MMS22L: variants seen among roughly 807,000 people sequenced by gnomAD.
The protein encoded by MMS22L is MMS22 like, DNA repair protein.
MMS22L carries 74 observed loss-of-function variants against 159.1 expected under a neutral mutation model. That is an observed-to-expected ratio of 0.47 (90% CI 0.39 to 0.56). MMS22L has a LOEUF of 0.56. MMS22L is among the 20% of genes least tolerant of loss of function. MMS22L has a pLI of 0.00. For missense variants in MMS22L, 1,351 were observed against 1,422.1 expected, an observed-to-expected ratio of 0.95 and a Z score of 0.80; for synonymous variants, 517 against 506.9, an observed-to-expected ratio of 1.02 and a Z score of -0.27.
At chr6:97,176,195 C>T (rs1012708881) in intron 18 of MMS22L, among the ~76,000 whole-genome samples, 3 of 151,890 alleles carry the variant, frequency 2.0e-5, no homozygotes, top group Non-Finnish European at 2.9e-5. Flanking sequence ...AATCTTGGGC[C>T]GCAGTGTTGA....
chr6:97,255,027 T>C (rs961847458), intron 9 of MMS22L, among the ~76,000 whole-genome samples: 1 of 152,078 alleles, frequency 6.6e-6, no homozygotes, highest in Non-Finnish European at 1.5e-5. Context: ...GCCTATATTA[T>C]ATATTGTGTG....
intron 11 of MMS22L, among the ~76,000 whole-genome samples, chr6:97,235,012 T>C (rs1811245376): frequency 6.6e-6 from 1 of 152,158 alleles, no homozygotes; most frequent in South Asian, 2.1e-4. Flanking sequence ...GTATTTTAAA[T>C]ATGTTGGGAA....
At chr6:97,269,859 G>C (rs886883702) in intron 7 of MMS22L, 43 bp downstream of exon 7, 3 of 1,391,726 alleles carry the variant, frequency 2.2e-6, no homozygotes, top group East Asian at 2.4e-5. Flanking sequence ...AGCAATAAAA[G>C]CTGATTTTAA....
At chr6:97,259,306 A>C (rs1221784929) in intron 9 of MMS22L, 1 of 152,236 alleles carries the variant, frequency 6.6e-6, no homozygotes, top group Non-Finnish European at 1.5e-5. Flanking sequence ...AACAGGCCAC[A>C]GGATGCCAAG....
At chr6:97,261,036 T>A (rs887765541) in intron 9 of MMS22L, 1 of 152,230 alleles carries the variant, frequency 6.6e-6, no homozygotes. Flanking sequence ...GACACTTTTA[T>A]GTTTCTTTCT....
At chr6:97,241,789 T>TGTGTCACTA (rs779323371) in intron 11 of MMS22L, among the ~76,000 whole-genome samples, 76 of 152,342 alleles carry the variant, frequency 5.0e-4, no homozygotes, top group Admixed American at 2.2e-3. Flanking sequence ...CCTCAGAGGT[T>TGTGTCACTA]TTGATAGGTT....
At chr6:97,230,093 GTTTT>G (rs1023375780) in intron 13 of MMS22L, among the ~76,000 whole-genome samples, 3 of 151,716 alleles carry the variant, frequency 2.0e-5, no homozygotes, top group South Asian at 4.2e-4. Flanking sequence ...GTTGTTGTTG[GTTTT>G]TTGTTTTTTG....
intron 11 of MMS22L, among the ~76,000 whole-genome samples, chr6:97,236,055 C>T (rs1811362560): frequency 6.6e-6 from 1 of 152,024 alleles, no homozygotes; most frequent in South Asian, 2.1e-4. Context: ...GGGCCAGGCA[C>T]GGTGGTTCAC....
chr6:97,222,299 A>T (rs1009308709), intron 14 of MMS22L, among the ~76,000 whole-genome samples: 7 of 152,030 alleles, frequency 4.6e-5, no homozygotes, highest in African/African-American at 1.7e-4. Context: ...CCTTATAGGG[A>T]GAGAAAAAAA....
chr6:97,221,692 AC>A (rs1809670395), intron 14 of MMS22L, among the ~76,000 whole-genome samples: 1 of 152,016 alleles, frequency 6.6e-6, no homozygotes, highest in African/African-American at 2.4e-5. Context: ...GCAATGGATT[AC>A]TCCTTGTAAG....
rs180818692 is a variant in MMS22L, at chr6:97,240,922, C to A, written c.1182+5706G>T. 3.0e-3 allele frequency among the ~76,000 whole-genome samples: 459 copies of A among 152,322 alleles called. 2 individuals carry two copies. The highest frequency in any genetic ancestry group is 5.2e-3 in the Non-Finnish European group (355 of 68,024). On this transcript the variant is annotated intron_variant, in intron 11 of 24. Transcript: ENST00000683635. ...GATTACAGGCGTGAGCCACCACACC[C>A]GGCCTGTACCCTAAGTATAGTCTTT...
In MMS22L at chr6:97,272,405, A is replaced by T. The variant is rs1582864892; in HGVS notation, c.606+299T>A. 6 of 232,390 alleles carry T rather than the reference A, an allele frequency of 2.6e-5. No individual in the cohort carries two copies. In the East Asian group the frequency reaches 5.5e-4, roughly 21 times the overall value. The allele number at this position is 232,390 out of a possible 1,614,324, so 14.4% of individuals were successfully genotyped here. ...AATTTTCAGACACTTATACTGTCAT[A>T]AATCAAGAGAATAGCTACTGATTCA... On this transcript the variant is annotated intron_variant, in intron 6 of 24. Transcript: ENST00000683635.
At chr6:97,195,903 C>T (rs868231777) in intron 14 of MMS22L, among the ~76,000 whole-genome samples, 68 of 152,182 alleles carry the variant, frequency 4.5e-4, no homozygotes, top group African/African-American at 1.6e-3. Flanking sequence ...AATTATTTCG[C>T]ATTTTGTGAG....
In MMS22L at chr6:97,272,432, T is replaced by C. The variant is rs901139416; in HGVS notation, c.606+272A>G. ...ATCAAGAGAATAGCTACTGATTCAA[T>C]GACTACTATGTTTTAATAACTTCAT... On this transcript the variant is annotated intron_variant, in intron 6 of 24. Transcript: ENST00000683635. The C allele has an allele frequency of 2.4e-5, 7 of 287,430 alleles. No homozygotes were observed. The Admixed American group carries it at 3.3e-4, about 14-fold the overall frequency. 17.8% of individuals were successfully genotyped at this position (287,430 alleles called of 1,614,324 possible).
chr6:97,209,359 T>C (rs1029869703), intron 14 of MMS22L, among the ~76,000 whole-genome samples: 1 of 152,042 alleles, frequency 6.6e-6, no homozygotes, highest in African/African-American at 2.4e-5. Context: ...CTTTTTAATA[T>C]TCTGTGTGCT....
chr6:97,154,929 G>T (rs940703781), intron 22 of MMS22L, among the ~76,000 whole-genome samples: 2 of 152,022 alleles, frequency 1.3e-5, no homozygotes, highest in Non-Finnish European at 2.9e-5. Flanking sequence ...AGATTGATTT[G>T]GCTATTCTGG....
In MMS22L at chr6:97,272,827, A is replaced by G. The variant is rs1364226865; in HGVS notation, c.483T>C (p.Ala161=). The part of the protein sequence containing the change: ...ESHVPVHPYE[A]LEAQLPSVLI... ...ACACTGAGGGAAGCTGAGCCTCCAA[A>G]GCCTCATAAGGATGGACAGGAACAT... Residue 161 remains alanine, a synonymous_variant, in exon 6 of 25, where the codon GCT becomes GCC. Transcript: ENST00000683635. 6 of 1,613,962 alleles carry G rather than the reference A, an allele frequency of 3.7e-6. No individual in the cohort carries two copies. Among genetic ancestry groups the G allele is most frequent in the Non-Finnish European group, 4.2e-6 (5 of 1,179,984 alleles).
At chr6:97,159,845 T>C (rs1042368328) in intron 22 of MMS22L, among the ~76,000 whole-genome samples, 6 of 151,786 alleles carry the variant, frequency 4.0e-5, no homozygotes, top group African/African-American at 1.2e-4. Flanking sequence ...AATATGCAAA[T>C]ATTCAAAAAT....
In MMS22L at chr6:97,254,731, T is replaced by C. The variant is rs775077001; in HGVS notation, c.945A>G (p.Ser315=). 1.0e-5 allele frequency: 16 copies of C among 1,590,910 alleles called. No homozygotes were observed. Among genetic ancestry groups the C allele is most frequent in the Non-Finnish European group, 8.5e-7 (1 of 1,172,030 alleles). ...DHRSKWFVSE[S]FWNWLNKLLK... is the part of the protein sequence containing the mutation. The stretch of plus-strand genomic sequence containing the variant: ...GTAGTTTATTCAACCAGTTCCAAAA[T>C]GACTATAGAAACAGAAGTAATTTGA... Residue 315 remains serine, a splice_region_variant and synonymous_variant, in exon 10 of 25, where the codon TCA becomes TCG. Transcript: ENST00000683635.
Sources: allele counts gnomAD v4.1 joint callset (sites outside exome capture counted in the v4.1 genomes callset), GRCh38; gene constraint gnomAD v4.1.1; transcripts MANE v1.5; gene names NCBI Gene and HGNC (gene_info 2026-07-23, HGNC 2026-07-21).